ACACB: variants seen among roughly 807,000 people sequenced by gnomAD.
ACACB encodes acetyl-CoA carboxylase 2.
In ACACB, 209 loss-of-function variants were observed where a neutral mutation model predicts 278.8. That is an observed-to-expected ratio of 0.75 (90% CI 0.67 to 0.84). The LOEUF (loss-of-function observed/expected upper bound fraction) is 0.84. ACACB is among the 40% of genes least tolerant of loss of function. ACACB has a pLI of 0.00. For synonymous variants in ACACB, 1,174 were observed against 1,285.6 expected (o/e 0.91, Z 1.86); for missense variants, 2,850 against 3,269.0 (o/e 0.87, Z 3.13).
chr12:109,218,771 C>CTT (rs147342736), intron 24 of ACACB, among the ~76,000 whole-genome samples: 30 of 135,588 alleles, frequency 2.2e-4, no homozygotes, highest in East Asian at 1.3e-3. Flanking sequence ...TTCTATCTAT[C>CTT]TTTTTTTTTT....
intron 19 of ACACB, among the ~76,000 whole-genome samples, chr12:109,202,438 C>G (rs2045364566): frequency 6.6e-6 from 1 of 152,074 alleles, no homozygotes; most frequent in Non-Finnish European, 1.5e-5. Context: ...CCTCAGCCTC[C>G]TGAGTAGCTG....
At chr12:109,191,046 A>G (rs1256841090) in intron 13 of ACACB, among the ~76,000 whole-genome samples, 2 of 152,132 alleles carry the variant, frequency 1.3e-5, no homozygotes, top group Non-Finnish European at 2.9e-5. Context: ...GGATTGTCTC[A>G]TTTCAATTCT....
chr12:109,221,368 A>G (rs2136504446), intron 24 of ACACB, among the ~76,000 whole-genome samples: 1 of 152,264 alleles, frequency 6.6e-6, no homozygotes, highest in Non-Finnish European at 1.5e-5. Flanking sequence ...GAGCTCTGAT[A>G]TTTAGCATTC....
In ACACB at chr12:109,264,322, T is replaced by C; in HGVS notation, c.6878T>C (p.Val2293Ala). 6.2e-7 allele frequency: 1 copy of C among 1,614,052 alleles called. No individual in the cohort carries two copies. Among genetic ancestry groups the C allele is most frequent in the South Asian group, 1.1e-5 (1 of 91,068 alleles). Residue 2293 changes from valine (V) to alanine (A), a missense_variant, in exon 50 of 53, where the codon GTG (valine) becomes GCG (alanine). Physicochemically the swap from Val to Ala is moderately conservative, Grantham distance 64. Transcript: ENST00000338432. Reference protein sequence around the residue: ...EDLLLPIYHQVAVQFADFHDT... With the variant: ...EDLLLPIYHQAAVQFADFHDT... ...CTGCTGCTCCCCATCTACCACCAGG[T>C]GGCGGTGCAGTTCGCCGACTTCCAT...
intron 4 of ACACB, among the ~76,000 whole-genome samples, chr12:109,171,353 C>CA (rs2044108735): frequency 6.9e-6 from 1 of 144,784 alleles, no homozygotes; most frequent in Non-Finnish European, 1.5e-5. Context: ...CATTTTCTTT[C>CA]TTTTTTTTTT....
chr12:109,250,510 CTCA>C (rs1471463194), intron 41 of ACACB, among the ~76,000 whole-genome samples: 4 of 152,198 alleles, frequency 2.6e-5, no homozygotes, highest in Non-Finnish European at 5.9e-5. Flanking sequence ...AGGGTCCAAT[CTCA>C]TCTTATTTTC....
At chr12:109,264,481 T>G (rs1593745347) in intron 50 of ACACB, 95 bp downstream of exon 50, 2 of 1,480,486 alleles carry the variant, frequency 1.4e-6, no homozygotes, top group Non-Finnish European at 1.9e-6. Context: ...AGGGCGGTGG[T>G]GGTTGGGATG....
intron 20 of ACACB, among the ~76,000 whole-genome samples, chr12:109,208,320 A>T (rs76644734): frequency 1.3e-5 from 2 of 151,588 alleles, no homozygotes; most frequent in African/African-American, 4.9e-5. Flanking sequence ...GGTTCAAGCA[A>T]TCATCCCACT....
At chr12:109,227,893 CG>C (rs1319528909) in intron 28 of ACACB, among the ~76,000 whole-genome samples, 4 of 151,502 alleles carry the variant, frequency 2.6e-5, no homozygotes, top group African/African-American at 7.3e-5. Flanking sequence ...ATTAGCCGGG[CG>C]TGGTGGCACA....
At chr12:109,237,131 A>G in intron 33 of ACACB, 34 bp from the exon 34 acceptor site, 2 of 1,607,712 alleles carry the variant, frequency 1.2e-6, no homozygotes, top group Non-Finnish European at 8.5e-7. Flanking sequence ...CTGTGTGTGT[A>G]TGTGTCTGTC....
chr12:109,184,681 T>C (rs2044591958), intron 11 of ACACB, among the ~76,000 whole-genome samples: 2 of 152,088 alleles, frequency 1.3e-5, no homozygotes, highest in Admixed American at 6.6e-5. Context: ...CGTAGTCTTT[T>C]TTCATCCTTG....
At chr12:109,251,805 TCTG>T (rs2047102357) in intron 41 of ACACB, among the ~76,000 whole-genome samples, 1 of 152,216 alleles carries the variant, frequency 6.6e-6, no homozygotes, top group Non-Finnish European at 1.5e-5. Flanking sequence ...ACATTCACTG[TCTG>T]CTGCTTGTCT....
At chr12:109,257,985 G>A (rs983588379) in intron 45 of ACACB, among the ~76,000 whole-genome samples, 3 of 152,220 alleles carry the variant, frequency 2.0e-5, no homozygotes, top group Non-Finnish European at 4.4e-5. Context: ...TGCAGATGGA[G>A]AACGTGGCCC....
rs2045711143 is a variant in ACACB, at chr12:109,210,181, A to ACACACACG, written c.3249+828_3249+829insCACACACG. ...CGTGTGTATATGTATATATGTATAT[A>ACACACACG]TACACACGTGTGTATATGTATATAT... On this transcript the variant is annotated intron_variant, in intron 21 of 52. Coordinates refer to ENST00000338432, the MANE Select transcript of ACACB (RefSeq NM_001093.4). Among the ~76,000 whole-genome samples the ACACACACG allele has an allele frequency of 5.2e-5, 3 of 57,400 alleles. 1 individual carries two copies. Among genetic ancestry groups the ACACACACG allele is most frequent in the Admixed American group, 3.8e-4 (2 of 5,278 alleles). 37.7% of individuals were successfully genotyped at this position (57,400 alleles called of 152,430 possible).
chr12:109,168,133 G>A lies in ACACB; in HGVS notation c.925+99G>A, dbSNP rs548728398. On this transcript the variant is annotated intron_variant, in intron 4 of 52. Coordinates refer to ENST00000338432, the MANE Select transcript of ACACB (RefSeq NM_001093.4). ...GGCAAGTCCATCCTGGACTCCCGAT[G>A]GTCAGGACCTCTCATGAGTCTGTAT... The A allele has an allele frequency of 3.5e-4, 460 of 1,305,986 alleles. 4 individuals carry two copies. Among genetic ancestry groups the A allele is most frequent in the South Asian group, 3.4e-3 (238 of 69,246 alleles). The allele number at this position is 1,305,986 out of a possible 1,614,324, so 80.9% of individuals were successfully genotyped here. A position where few individuals can be genotyped will look rare whatever the true frequency, so the allele number is the denominator to read the frequency against.
intron 1 of ACACB, among the ~76,000 whole-genome samples, chr12:109,118,272 T>G (rs1019983908): frequency 5.3e-5 from 8 of 152,166 alleles, no homozygotes; most frequent in African/African-American, 1.9e-4. Flanking sequence ...GCTCATACTT[T>G]CAACACCTTT....
intron 11 of ACACB, among the ~76,000 whole-genome samples, chr12:109,184,449 C>T (rs939988996): frequency 3.3e-5 from 5 of 152,192 alleles, no homozygotes; most frequent in Non-Finnish European, 7.3e-5. Flanking sequence ...AAGAGCATTC[C>T]GGTCCAATGC....
chr12:109,198,962 C>T (rs1336549939), intron 17 of ACACB, among the ~76,000 whole-genome samples: 3 of 151,640 alleles, frequency 2.0e-5, no homozygotes, highest in Non-Finnish European at 1.5e-5. Context: ...CTGAGGCGGG[C>T]GGATCATGAG....
At chr12:109,259,220 G>A in intron 47 of ACACB, 112 bp downstream of exon 47, 1 of 1,324,924 alleles carries the variant, frequency 7.5e-7, no homozygotes, top group Non-Finnish European at 1.0e-6. Context: ...CATCTTAGCT[G>A]TGTCTCCCAA....
Sources: gnomAD v4.1 joint callset for allele counts (sites outside exome capture counted in the v4.1 genomes callset) on GRCh38, gnomAD v4.1.1 for gene constraint, MANE v1.5 for transcripts, NCBI Gene and HGNC (gene_info 2026-07-23, HGNC 2026-07-21) for gene names.